Variants in SHISA6 observed in about 807,000 individuals in gnomAD.
SHISA6 encodes the protein shisa family member 6, also known as protein shisa-6.
Under a neutral mutation model 47.9 loss-of-function variants are expected in SHISA6, and 22 were observed. The ratio of observed to expected loss-of-function variants is 0.46; its 90% CI spans 0.33 to 0.66. The LOEUF (loss-of-function observed/expected upper bound fraction) is 0.66, where lower values mean the gene tolerates loss of function less well. Ranked by LOEUF, SHISA6 falls within the 30% of genes least tolerant of loss-of-function variation. The pLI, the probability that SHISA6 is intolerant of heterozygous loss-of-function variation, is 0.02. For missense variants in SHISA6, 680 were observed against 764.6 expected, an observed-to-expected ratio of 0.89 and a Z score of 1.30; for synonymous variants, 388 against 337.8, an observed-to-expected ratio of 1.15 and a Z score of -1.63.
intron 3 of SHISA6, among the ~76,000 whole-genome samples, chr17:11,518,189 C>A (rs983291440): frequency 6.6e-6 from 1 of 152,102 alleles, no homozygotes; most frequent in Non-Finnish European, 1.5e-5. Flanking sequence ...TAAGTGTTGG[C>A]AGCTGCCTGG....
Position 11,563,731 on chromosome 17 carries a change from T to C in SHISA6, c.*5427T>C, listed in dbSNP as rs1189620936. The C allele has an allele frequency of 6.6e-6, 1 of 152,224 alleles. No individual in the cohort carries two copies. Among genetic ancestry groups the C allele is most frequent in the Non-Finnish European group, 1.5e-5 (1 of 68,020 alleles). The allele number at this position is 152,224 out of a possible 1,614,324, so 9.4% of individuals were successfully genotyped here. A position where few individuals can be genotyped will look rare whatever the true frequency, so the allele number is the denominator to read the frequency against. Reference sequence around the variant, plus strand: ...AATTCTTACTGTAATATTTTTAGTTTGGGGACACAATTTCCTAAGGGGGGA... The same window carrying C: ...AATTCTTACTGTAATATTTTTAGTTCGGGGACACAATTTCCTAAGGGGGGA... On this transcript the variant is annotated 3_prime_UTR_variant, in exon 6 of 6. Coordinates refer to ENST00000441885, the MANE Select transcript of SHISA6 (RefSeq NM_207386.4).
Position 11,448,240 on chromosome 17 carries a change from C to T in SHISA6, c.895+68731C>T, listed in dbSNP as rs146247739. 1.5e-3 allele frequency among the ~76,000 whole-genome samples: 231 copies of T among 151,910 alleles called. 1 individual carries two copies. The highest frequency in any genetic ancestry group is 5.2e-3 in the African/African-American group (215 of 41,446). On this transcript the variant is annotated intron_variant, in intron 3 of 5. Coordinates refer to ENST00000441885, the MANE Select transcript of SHISA6 (RefSeq NM_207386.4). ...TTGGGGCGGGCTTAATCTTTTAAAA[C>T]GATAAAGAGGCTGGGTGTGGTGGCT...
At chr17:11,532,017 C>T (rs540730010) in intron 3 of SHISA6, among the ~76,000 whole-genome samples, 4 of 151,976 alleles carry the variant, frequency 2.6e-5, no homozygotes, top group Non-Finnish European at 5.9e-5. Flanking sequence ...ATGAAATCCA[C>T]GCAGAGGAAA....
chr17:11,371,708 G>T (rs1014350439), intron 2 of SHISA6, among the ~76,000 whole-genome samples: 4 of 150,812 alleles, frequency 2.7e-5, no homozygotes, highest in African/African-American at 9.8e-5. Flanking sequence ...TGTTGTTGTT[G>T]TTTTCAAATT....
At chr17:11,381,830 G>A (rs1913019124) in intron 3 of SHISA6, among the ~76,000 whole-genome samples, 1 of 152,066 alleles carries the variant, frequency 6.6e-6, no homozygotes, top group South Asian at 2.1e-4. Flanking sequence ...TTGTTCTGTG[G>A]CACCACCTGC....
chr17:11,283,521 A>G (rs1909194369), intron 2 of SHISA6, among the ~76,000 whole-genome samples: 1 of 152,244 alleles, frequency 6.6e-6, no homozygotes, highest in South Asian at 2.1e-4. Flanking sequence ...TGTTGAATAA[A>G]TGCATGCACG....
chr17:11,524,796 G>T (rs904106932), intron 3 of SHISA6, among the ~76,000 whole-genome samples: 1 of 152,118 alleles, frequency 6.6e-6, no homozygotes, highest in South Asian at 2.1e-4. Flanking sequence ...ACTGCGCCCG[G>T]TCTATTTCTC....
chr17:11,551,782 GT>G (rs1417503592), intron 3 of SHISA6, 113 bp from the exon 4 acceptor site: 2 of 892,724 alleles, frequency 2.2e-6, no homozygotes, highest in Non-Finnish European at 3.5e-6. Flanking sequence ...TTTCTTAGAA[GT>G]GCTTCCTTTA....
intron 2 of SHISA6, among the ~76,000 whole-genome samples, chr17:11,334,002 A>G (rs750264727): frequency 1.3e-5 from 2 of 152,182 alleles, no homozygotes; most frequent in Non-Finnish European, 2.9e-5. Context: ...CTGTGCATCT[A>G]TTCCATCTGG....
At chr17:11,299,501 T>C (rs751706573) in intron 2 of SHISA6, among the ~76,000 whole-genome samples, 4 of 152,234 alleles carry the variant, frequency 2.6e-5, no homozygotes, top group Non-Finnish European at 5.9e-5. Context: ...AACACACATT[T>C]ATTCTTTTAC....
intron 3 of SHISA6, among the ~76,000 whole-genome samples, chr17:11,484,355 T>G (rs1235034985): frequency 1.3e-5 from 2 of 152,130 alleles, no homozygotes; most frequent in African/African-American, 4.8e-5. Flanking sequence ...ACACACAAAA[T>G]AAGACCAAAA....
chr17:11,548,245 C>T (rs1456214935), intron 3 of SHISA6, among the ~76,000 whole-genome samples: 2 of 152,024 alleles, frequency 1.3e-5, no homozygotes, highest in Non-Finnish European at 2.9e-5. Context: ...AATAGAAGGA[C>T]CCCCCGAAAA....
rs2072033126 is a variant in SHISA6 at position 11,560,535 on chromosome 17, TG to T, written c.*2233del. Reference sequence around the variant, plus strand: ...AATCGTCTAATCTGTGGCCATCCCTTGGAAGGCAGGATGCTGGTGGTGAGGG... The same window carrying T: ...AATCGTCTAATCTGTGGCCATCCCTTGAAGGCAGGATGCTGGTGGTGAGGG... On this transcript the variant is annotated 3_prime_UTR_variant, in exon 6 of 6. Coordinates refer to ENST00000441885, the MANE Select transcript of SHISA6 (RefSeq NM_207386.4). 1 of 152,572 alleles carries T rather than the reference TG, an allele frequency of 6.6e-6. No homozygotes were observed. Among genetic ancestry groups the T allele is most frequent in the South Asian group, 2.1e-4 (1 of 4,822 alleles). 9.5% of individuals were successfully genotyped at this position (152,572 alleles called of 1,614,324 possible). A position where few individuals can be genotyped will look rare whatever the true frequency, so the allele number is the denominator to read the frequency against.
intron 3 of SHISA6, among the ~76,000 whole-genome samples, chr17:11,525,654 A>C (rs1040885750): frequency 8.7e-5 from 3 of 34,578 alleles, no homozygotes; most frequent in Admixed American, 3.8e-4. Flanking sequence ...AAAAAAAACA[A>C]AAAAAAAAAA....
intron 2 of SHISA6, among the ~76,000 whole-genome samples, chr17:11,375,310 C>G (rs1340457882): frequency 6.6e-6 from 1 of 152,072 alleles, no homozygotes; most frequent in Non-Finnish European, 1.5e-5. Context: ...TCCTCTGTGC[C>G]CTGTCTTTTC....
chr17:11,340,153 A>G (rs1383208773), intron 2 of SHISA6, among the ~76,000 whole-genome samples: 1 of 152,230 alleles, frequency 6.6e-6, no homozygotes, highest in Non-Finnish European at 1.5e-5. Flanking sequence ...TGTAAGCTTG[A>G]GCACCAATGA....
At chr17:11,503,479 A>T (rs1364878963) in intron 3 of SHISA6, among the ~76,000 whole-genome samples, 2 of 152,070 alleles carry the variant, frequency 1.3e-5, no homozygotes, top group Non-Finnish European at 2.9e-5. Flanking sequence ...GATGTCACTA[A>T]GATTCTTGAA....
At chr17:11,353,450 C>A (rs550837938) in intron 2 of SHISA6, among the ~76,000 whole-genome samples, 1 of 145,894 alleles carries the variant, frequency 6.9e-6, no homozygotes, top group Non-Finnish European at 1.5e-5. Flanking sequence ...AGCAAGACTC[C>A]GTCTAAAAAA....
intron 2 of SHISA6, among the ~76,000 whole-genome samples, chr17:11,351,141 G>A (rs997260520): frequency 6.6e-6 from 1 of 151,996 alleles, no homozygotes. Context: ...GGGCCTGTTG[G>A]GGGGTGGGGA....
Sources: gnomAD v4.1 joint callset for allele counts (sites outside exome capture counted in the v4.1 genomes callset) on GRCh38, gnomAD v4.1.1 for gene constraint, MANE v1.5 for transcripts, NCBI Gene and HGNC (gene_info 2026-07-23, HGNC 2026-07-21) for gene names.